GTPBP4: variants seen among roughly 807,000 people sequenced by gnomAD.
GTPBP4 encodes GTP-binding protein 4.
Under a neutral mutation model 81.7 loss-of-function variants are expected in GTPBP4, and 15 were observed. The ratio of observed to expected loss-of-function variants is 0.18; its 90% confidence interval spans 0.12 to 0.28. GTPBP4 has a LOEUF of 0.28. GTPBP4 is among the 10% of genes least tolerant of loss of function. GTPBP4 has a pLI of 1.00. For synonymous variants in GTPBP4, 272 were observed against 274.6 expected (o/e 0.99, Z 0.09); for missense variants, 847 against 793.8 (o/e 1.07, Z -0.81).
intron 5 of GTPBP4, among the ~76,000 whole-genome samples, chr10:997,811 C>T (rs1831560620): frequency 6.6e-6 from 1 of 152,168 alleles, no homozygotes; most frequent in Admixed American, 6.5e-5. Context: ...GCTGTGTCAG[C>T]TTTCACATGA....
intron 14 of GTPBP4, among the ~76,000 whole-genome samples, chr10:1,013,768 G>C (rs1347608225): frequency 6.6e-6 from 1 of 152,232 alleles, no homozygotes; most frequent in Non-Finnish European, 1.5e-5. Context: ...GAAGTCACTT[G>C]ACATTCAGGA....
intron 2 of GTPBP4, among the ~76,000 whole-genome samples, chr10:993,841 C>T (rs1831492329): frequency 6.6e-6 from 1 of 151,112 alleles, no homozygotes; most frequent in African/African-American, 2.4e-5. Context: ...CTCCCTGCAA[C>T]CTCCACCTCC....
Position 998,998 on chromosome 10 carries a change from T to A in GTPBP4, c.562-5T>A. The A allele has an allele frequency of 6.5e-7, 1 of 1,543,198 alleles. No individual in the cohort carries two copies. The highest frequency in any genetic ancestry group is 9.0e-7 in the Non-Finnish European group (1 of 1,114,996). The stretch of plus-strand genomic sequence containing the variant: ...GGTGATTCTGAAAGTTCTCACTTGT[T>A]CCAGGTGACGAGAGCAGACGTGGAT... On this transcript the variant is annotated splice_region_variant and splice_polypyrimidine_tract_variant and intron_variant, in intron 5 of 16. Coordinates refer to ENST00000360803, the MANE Select transcript of GTPBP4 (RefSeq NM_012341.3).
intron 8 of GTPBP4, among the ~76,000 whole-genome samples, chr10:1,005,551 G>A (rs1412185867): frequency 1.3e-5 from 2 of 152,208 alleles, no homozygotes; most frequent in East Asian, 1.9e-4. Context: ...TTATTAACAT[G>A]TAGTTGTTCG....
chr10:998,727 A>G (rs1266379888), intron 5 of GTPBP4, among the ~76,000 whole-genome samples: 1 of 152,144 alleles, frequency 6.6e-6, no homozygotes, highest in Non-Finnish European at 1.5e-5. Flanking sequence ...CATCATAAAG[A>G]GCTCTGCGGG....
intron 4 of GTPBP4, chr10:996,464 A>T: frequency 2.8e-6 from 1 of 362,748 alleles, no homozygotes; most frequent in Non-Finnish European, 4.9e-6. Context: ...TTCATATTTA[A>T]TAGGTAAGGC....
At position 997,203 on chromosome 10, in the gene GTPBP4, C is replaced by T. The variant is rs1197061212; in HGVS notation, c.461-5C>T. ...TCTTAATTTTTCAATTTGAACTTTT[C>T]CTAGTGCGTCAGCATTTATCCCGTT... On this transcript the variant is annotated splice_region_variant and splice_polypyrimidine_tract_variant and intron_variant, in intron 4 of 16. Coordinates refer to ENST00000360803, the MANE Select transcript of GTPBP4 (RefSeq NM_012341.3). 1.3e-6 allele frequency: 2 copies of T among 1,513,552 alleles called. No individual in the cohort carries two copies. The highest frequency in any genetic ancestry group is 1.8e-5 in the Admixed American group (1 of 56,602). The allele number at this position is 1,513,552 out of a possible 1,614,324, so 93.8% of individuals were successfully genotyped here. A position where few individuals can be genotyped will look rare whatever the true frequency, so the allele number is the denominator to read the frequency against.
At chr10:1,005,769 G>T in intron 8 of GTPBP4, 49 bp from the exon 9 acceptor site, 1 of 1,022,558 alleles carries the variant, frequency 9.8e-7, no homozygotes, top group South Asian at 1.3e-5. Context: ...TGTTCCATAG[G>T]GAACTGGAAA....
intron 1 of GTPBP4, among the ~76,000 whole-genome samples, chr10:990,559 A>G (rs1008697270): frequency 2.6e-5 from 4 of 151,502 alleles, no homozygotes; most frequent in South Asian, 2.1e-4. Context: ...CGTCTCTACT[A>G]AAAATACAGA....
chr10:1,006,570 G>A (rs997160883), intron 9 of GTPBP4, among the ~76,000 whole-genome samples: 20 of 152,314 alleles, frequency 1.3e-4, no homozygotes, highest in South Asian at 1.2e-3. Flanking sequence ...CCTGGGAGGC[G>A]GAGGTTGCTG....
Position 1,015,784 on chromosome 10 carries a change from G to A in GTPBP4, c.1640G>A (p.Arg547Gln), listed in dbSNP as rs563408260. 7.4e-6 allele frequency: 12 copies of A among 1,614,044 alleles called. No homozygotes were observed. Among genetic ancestry groups the A allele is most frequent in the South Asian group, 2.2e-5 (2 of 91,082 alleles). ...AHYAVQARRSRSITRKRKRED... is the reference protein window; with the variant it reads ...AHYAVQARRSQSITRKRKRED... ...TACGCAGTCCAGGCAAGAAGATCCC[G>A]GAGCATCACTAGGAAAAGAAAGCGG... The change falls in exon 16 of 17, where the codon CGG becomes CAG. Residue 547 changes from arginine to glutamine, a missense_variant. Around this residue, in one of 3 missense-constraint regions of GTPBP4, gnomAD observed 600 missense variants for 557.1 expected, o/e 1.08. Coordinates refer to ENST00000360803, the MANE Select transcript of GTPBP4 (RefSeq NM_012341.3).
chr10:1,011,279 C>G (rs1477703589), intron 13 of GTPBP4, among the ~76,000 whole-genome samples: 1 of 152,196 alleles, frequency 6.6e-6, no homozygotes, highest in Non-Finnish European at 1.5e-5. Flanking sequence ...CATCTTTTTC[C>G]TGCCTCAATC....
Position 1,009,579 on chromosome 10 carries a change from G to T in GTPBP4, c.1242G>T (p.Gln414His). 1 of 1,558,998 alleles carries T rather than the reference G, an allele frequency of 6.4e-7. No homozygotes were observed. The highest frequency in any genetic ancestry group is 8.9e-7 in the Non-Finnish European group (1 of 1,129,630). The change falls in exon 12 of 17, where the codon CAG (glutamine) becomes CAT (histidine). Residue 414 changes from glutamine to histidine, a missense_variant and splice_region_variant. This residue lies in a region of GTPBP4 where 600 missense variants were observed against 557.1 expected (regional missense o/e 1.08). Coordinates refer to ENST00000360803, the MANE Select transcript of GTPBP4 (RefSeq NM_012341.3). ...GAGATGATTATATTTTGGATCTTCA[G>T]AGTAAGGGCCAGAGTGTGATCATTA... ...EMGDDYILDL[Q>H]KYWDLMNLSE...
intron 16 of GTPBP4, among the ~76,000 whole-genome samples, chr10:1,016,511 C>G (rs1169149398): frequency 6.6e-6 from 1 of 152,242 alleles, no homozygotes; most frequent in Non-Finnish European, 1.5e-5. Context: ...TCATGGAAGC[C>G]TGAGCTTCAC....
In GTPBP4 at chr10:1,012,583, G is replaced by T; in HGVS notation, c.1463G>T (p.Arg488Leu). The change falls in exon 14 of 17, where the codon CGA becomes CTA. Residue 488 changes from arginine (R) to leucine (L), a missense_variant. By Grantham distance (102) the Arg-to-Leu change is moderately radical. Around this residue, in one of 3 missense-constraint regions of GTPBP4, gnomAD observed 600 missense variants for 557.1 expected, o/e 1.08. Coordinates refer to ENST00000360803, the MANE Select transcript of GTPBP4 (RefSeq NM_012341.3). The part of the protein sequence containing the change: ...LEIRQLAKQI[R>L]EKKKLKILES... ...ATCCGACAGCTGGCAAAGCAAATTC[G>T]AGAGAAAAAGAAGTTGAAAATTCTG... 1 of 1,613,940 alleles carries T rather than the reference G, an allele frequency of 6.2e-7. No homozygotes were observed. The highest frequency in any genetic ancestry group is 8.5e-7 in the Non-Finnish European group (1 of 1,179,866).
intron 14 of GTPBP4, 29 bp downstream of exon 14, chr10:1,012,691 G>C (rs767934598): frequency 6.5e-7 from 1 of 1,548,008 alleles, no homozygotes; most frequent in Non-Finnish European, 8.8e-7. Context: ...AAAGCAGTGT[G>C]ATCTAGTTTT....
At chr10:989,603 G>A (rs973888436) in intron 1 of GTPBP4, among the ~76,000 whole-genome samples, 6 of 152,150 alleles carry the variant, frequency 3.9e-5, no homozygotes, top group South Asian at 2.1e-4. Context: ...TCTCAAGGAC[G>A]GGATGAGCTT....
chr10:998,235 G>A (rs997250398), intron 5 of GTPBP4, among the ~76,000 whole-genome samples: 8 of 152,000 alleles, frequency 5.3e-5, no homozygotes, highest in Non-Finnish European at 1.2e-4. Context: ...AAGTAGCTGG[G>A]ACCACAGGTG....
At chr10:1,006,028 G>A (rs1041136467) in intron 9 of GTPBP4, 121 bp downstream of exon 9, 3 of 621,952 alleles carry the variant, frequency 4.8e-6, no homozygotes, top group South Asian at 2.0e-5. Context: ...CCTCGCAGTA[G>A]CGAGGCGGGT....
Sources: allele counts gnomAD v4.1 joint callset (sites outside exome capture counted in the v4.1 genomes callset), GRCh38; gene constraint gnomAD v4.1.1; regional missense constraint gnomAD v4.1.1; transcripts MANE v1.5; gene names NCBI Gene and HGNC (gene_info 2026-07-23, HGNC 2026-07-21).